Variants in REEP1 observed in about 807,000 individuals in gnomAD.
REEP1 encodes receptor expression-enhancing protein 1.
REEP1 carries 22 observed loss-of-function variants against 40.3 expected under a neutral mutation model. The observed-to-expected ratio is 0.55, with a 90% confidence interval of 0.39 to 0.78. REEP1 has a LOEUF of 0.78. REEP1 is among the 30% of genes least tolerant of loss of function. REEP1 has a pLI of 0.00. For synonymous variants in REEP1, 116 were observed against 139.2 expected (o/e 0.83, Z 1.17); for missense variants, 280 against 361.1 (o/e 0.78, Z 1.82).
chr2:86,329,745 C>T (rs1403508680), intron 1 of REEP1, among the ~76,000 whole-genome samples: 1 of 152,136 alleles, frequency 6.6e-6, no homozygotes, highest in Admixed American at 6.5e-5. Flanking sequence ...TGCTGGTGCA[C>T]AGACCACACT....
At chr2:86,218,757 A>G (rs898103586) in intron 8 of REEP1, among the ~76,000 whole-genome samples, 6 of 152,204 alleles carry the variant, frequency 3.9e-5, no homozygotes, top group African/African-American at 1.4e-4. Flanking sequence ...CTCTAACTTT[A>G]AAAGGGATGC....
intron 1 of REEP1, among the ~76,000 whole-genome samples, chr2:86,288,738 G>C (rs976273116): frequency 6.6e-6 from 1 of 152,188 alleles, no homozygotes. Flanking sequence ...AAGTGTCTAA[G>C]ATTTTAATAC....
intron 1 of REEP1, among the ~76,000 whole-genome samples, chr2:86,311,803 G>A (rs574686950): frequency 1.9e-4 from 29 of 152,212 alleles, no homozygotes; most frequent in African/African-American, 7.0e-4. Context: ...CTGAGTATCT[G>A]TCACCCCTAT....
intron 1 of REEP1, among the ~76,000 whole-genome samples, chr2:86,331,639 G>T (rs1680769217): frequency 6.6e-6 from 1 of 152,140 alleles, no homozygotes; most frequent in Admixed American, 6.6e-5. Flanking sequence ...GGAACAGGAG[G>T]CACCTTTGTC....
At chr2:86,297,317 C>A (rs1679032246) in intron 1 of REEP1, among the ~76,000 whole-genome samples, 1 of 152,242 alleles carries the variant, frequency 6.6e-6, no homozygotes, top group Non-Finnish European at 1.5e-5. Flanking sequence ...GACATGGGTT[C>A]ATGGACAAGA....
At position 86,222,864 on chromosome 2, in the gene REEP1, G is replaced by A. The variant is rs553206101; in HGVS notation, c.632-2743C>T. Among the ~76,000 whole-genome samples the A allele has an allele frequency of 8.5e-5, 13 of 152,336 alleles. No homozygotes were observed. The South Asian group carries it at 2.5e-3, about 29-fold the overall frequency. ...GGGGCACCAGGAGGAGCAGGAGAGT[G>A]AGTAGCTGGGTAGAAAATCCCATGC... On this transcript the variant is annotated intron_variant, in intron 7 of 8. Coordinates refer to ENST00000538924, the MANE Select transcript of REEP1 (RefSeq NM_001371279.1).
chr2:86,300,188 A>C (rs968188420), intron 1 of REEP1, among the ~76,000 whole-genome samples: 1 of 152,214 alleles, frequency 6.6e-6, no homozygotes, highest in African/African-American at 2.4e-5. Flanking sequence ...TTACTGACTT[A>C]AAATTTGTTA....
At chr2:86,232,880 C>T in intron 5 of REEP1, 78 bp from the exon 6 acceptor site, 1 of 1,415,008 alleles carries the variant, frequency 7.1e-7, no homozygotes, top group Non-Finnish European at 9.7e-7. Context: ...AGAGGGAGCT[C>T]TGATGGTCAG....
At chr2:86,241,370 A>AACTGTG (rs1453162579) in intron 5 of REEP1, among the ~76,000 whole-genome samples, 4 of 152,216 alleles carry the variant, frequency 2.6e-5, no homozygotes, top group Admixed American at 1.3e-4. Context: ...GCTTTACAGA[A>AACTGTG]ACTGTGACTT....
At chr2:86,293,332 G>C (rs1300652034) in intron 1 of REEP1, among the ~76,000 whole-genome samples, 1 of 152,190 alleles carries the variant, frequency 6.6e-6, no homozygotes, top group Non-Finnish European at 1.5e-5. Context: ...AAAGGTGGCA[G>C]GCAAAGCTGC....
At chr2:86,260,116 A>C (rs1676777276) in intron 3 of REEP1, among the ~76,000 whole-genome samples, 1 of 152,184 alleles carries the variant, frequency 6.6e-6, no homozygotes, top group African/African-American at 2.4e-5. Context: ...GGTGAGAGGA[A>C]GGAAGGAGAG....
chr2:86,215,450 G>C lies in REEP1; in HGVS notation c.*1589C>G, dbSNP rs1270841725. The C allele has an allele frequency of 6.6e-6, 1 of 152,456 alleles. No homozygotes were observed. The highest frequency in any genetic ancestry group is 1.5e-5 in the Non-Finnish European group (1 of 68,000). 9.4% of individuals were successfully genotyped at this position (152,456 alleles called of 1,614,324 possible). On this transcript the variant is annotated 3_prime_UTR_variant, in exon 9 of 9. Transcript: ENST00000538924. The stretch of plus-strand genomic sequence containing the variant: ...CGTAGTAATGGAACAGTTTTTAATT[G>C]GGCCTGTTTATAGTTGACTGACAGT...
At position 86,226,471 on chromosome 2, in the gene REEP1, T is replaced by C. The variant is rs369576512; in HGVS notation, c.631+892A>G. On this transcript the variant is annotated intron_variant, in intron 7 of 8. Transcript: ENST00000538924. ...CCCTGTTGTGGCTTTTTCTTTTCTT[T>C]TTTTTTTTTTTTTTTTGAGACAGGG... Among the ~76,000 whole-genome samples the C allele has an allele frequency of 3.2e-3, 358 of 110,344 alleles. 10 individuals are homozygous for C. Among genetic ancestry groups the C allele is most frequent in the Middle Eastern group, 0.024 (5 of 208 alleles). 72.4% of individuals were successfully genotyped at this position (110,344 alleles called of 152,430 possible). A position where few individuals can be genotyped will look rare whatever the true frequency, so the allele number is the denominator to read the frequency against.
At position 86,216,983 on chromosome 2, in the gene REEP1, C is replaced by G. The variant is rs1489836136; in HGVS notation, c.*56G>C. 3.4e-6 allele frequency: 5 copies of G among 1,473,752 alleles called. No homozygotes were observed. The highest frequency in any genetic ancestry group is 4.7e-6 in the Non-Finnish European group (5 of 1,053,582). 91.3% of individuals were successfully genotyped at this position (1,473,752 alleles called of 1,614,324 possible). A position where few individuals can be genotyped will look rare whatever the true frequency, so the allele number is the denominator to read the frequency against. ...GGATTTCTATGTTATTAGTGAATAG[C>G]TCTTTAAGGCAGAGAAGAAACATTC... On this transcript the variant is annotated 3_prime_UTR_variant, in exon 9 of 9. Coordinates refer to ENST00000538924, the MANE Select transcript of REEP1 (RefSeq NM_001371279.1).
At chr2:86,337,641 C>T (rs2104562168), upstream of REEP1, 3 of 1,063,686 alleles carry the variant, frequency 2.8e-6, no homozygotes, top group Middle Eastern at 1.3e-3. The surrounding 1 kb of genome is among the most constrained non-coding windows in gnomAD (Gnocchi z 5.8). Context: ...GCGCCCGCCG[C>T]CCTGCCCGGC....
At chr2:86,303,768 G>C (rs1199725184) in intron 1 of REEP1, among the ~76,000 whole-genome samples, 1 of 152,150 alleles carries the variant, frequency 6.6e-6, no homozygotes, top group African/African-American at 2.4e-5. Flanking sequence ...GGTAGGGTAG[G>C]GGAGGCATTT....
At chr2:86,337,980 T>C (rs1272788063), upstream of REEP1, 2 of 1,476,922 alleles carry the variant, frequency 1.4e-6, no homozygotes, top group Admixed American at 3.9e-5. This position sits in a 1 kb window ranked among gnomAD's most constrained non-coding sequence, Gnocchi z 5.8. Context: ...TGGGATGCTG[T>C]CATCCCTCAT....
intron 7 of REEP1, among the ~76,000 whole-genome samples, chr2:86,225,993 G>T (rs749507563): frequency 6.6e-6 from 1 of 152,036 alleles, no homozygotes; most frequent in African/African-American, 2.4e-5. Flanking sequence ...TCACTCACAC[G>T]CTGGGAGGGC....
At chr2:86,221,095 A>G (rs2103969196) in intron 7 of REEP1, among the ~76,000 whole-genome samples, 1 of 152,316 alleles carries the variant, frequency 6.6e-6, no homozygotes, top group Middle Eastern at 3.4e-3. Context: ...CCAGATAGAA[A>G]CCACAGCTCT....
Sources: allele counts gnomAD v4.1 joint callset (sites outside exome capture counted in the v4.1 genomes callset), GRCh38; gene constraint gnomAD v4.1.1; non-coding constraint Gnocchi (gnomAD v3.1); transcripts MANE v1.5; gene names NCBI Gene and HGNC (gene_info 2026-07-23, HGNC 2026-07-21).